BRIP1: variants seen among roughly 807,000 people sequenced by gnomAD.
BRIP1 encodes Fanconi anemia group J protein.
A neutral mutation model predicts 119.7 loss-of-function variants in BRIP1; 88 were observed. The observed-to-expected ratio is 0.74, with a 90% CI of 0.62 to 0.88. The LOEUF (loss-of-function observed/expected upper bound fraction) is 0.88. Among genes scored for constraint, BRIP1 ranks in the 40% least tolerant of loss-of-function variants. The probability of loss-of-function intolerance (pLI) is 0.00; values close to 1 mark genes in which losing one functional copy is unlikely to be tolerated. For synonymous variants in BRIP1, 443 were observed against 496.5 expected, an observed-to-expected ratio of 0.89 and a Z score of 1.43; for missense variants, 1,259 against 1,455.4, an observed-to-expected ratio of 0.87 and a Z score of 2.20.
chr17:61,835,475 A>ATAGGAGGAAGACAACAGAAAGT (rs1378224696), intron 6 of BRIP1, among the ~76,000 whole-genome samples: 57 of 152,154 alleles, frequency 3.7e-4, no homozygotes, highest in African/African-American at 1.4e-3. Flanking sequence ...GGAGAAAAGA[A>ATAGGAGGAAGACAACAGAAAGT]TAGGAGGAAG....
In BRIP1 at chr17:61,778,254, T is replaced by G. The variant is rs1227569313; in HGVS notation, c.1936-1692A>C. ...CACAAAAACGACAAATATTTTATGA[T>G]TCCACTTATATGAAGTATTTATAGT... On this transcript the variant is annotated intron_variant, in intron 13 of 19. Transcript: ENST00000259008. This position sits in a 1 kb window ranked among gnomAD's most constrained non-coding sequence, Gnocchi z 4.4. Among the ~76,000 whole-genome samples the G allele has an allele frequency of 6.6e-6, 1 of 152,198 alleles. No homozygotes were observed. Among genetic ancestry groups the G allele is most frequent in the African/African-American group, 2.4e-5 (1 of 41,446 alleles).
chr17:61,834,234 T>G lies in BRIP1; in HGVS notation c.627+12867A>C, dbSNP rs962851470. On this transcript the variant is annotated intron_variant, in intron 6 of 19. Transcript: ENST00000259008. The surrounding 1 kb of genome is among the most constrained non-coding windows in gnomAD (Gnocchi z 4.4). ...TATACTATAATCCTAATTTTGTGTG[T>G]GGGGAGGGAGTATATATGTAATATA... Among the ~76,000 whole-genome samples, 4 of 152,092 alleles carry G rather than the reference T, an allele frequency of 2.6e-5. No homozygotes were observed. The highest frequency in any genetic ancestry group is 9.7e-5 in the African/African-American group (4 of 41,412).
chr17:61,796,985 G>A lies in BRIP1; in HGVS notation c.1340+2115C>T, dbSNP rs1255407053. Among the ~76,000 whole-genome samples the A allele has an allele frequency of 6.6e-6, 1 of 151,992 alleles. No individual in the cohort carries two copies. Among genetic ancestry groups the A allele is most frequent in the East Asian group, 1.9e-4 (1 of 5,190 alleles). Reference sequence around the variant, plus strand: ...ACTGGTACATACTGTTTGCTTAGATGAGGAAGACTGGGGAGAAAACAGAAC... The same window carrying A: ...ACTGGTACATACTGTTTGCTTAGATAAGGAAGACTGGGGAGAAAACAGAAC... On this transcript the variant is annotated intron_variant, in intron 9 of 19. Coordinates refer to ENST00000259008, the MANE Select transcript of BRIP1 (RefSeq NM_032043.3). The surrounding 1 kb of genome is among the most constrained non-coding windows in gnomAD (Gnocchi z 4.8).
rs1295161534 is a variant in BRIP1 at position 61,806,752 on chromosome 17, C to A, written c.918+1715G>T. 6.6e-6 allele frequency among the ~76,000 whole-genome samples: 1 copy of A among 152,202 alleles called. No individual in the cohort carries two copies. Among genetic ancestry groups the A allele is most frequent in the Non-Finnish European group, 1.5e-5 (1 of 68,024 alleles). On this transcript the variant is annotated intron_variant, in intron 7 of 19. Transcript: ENST00000259008. The surrounding 1 kb of genome is among the most constrained non-coding windows in gnomAD (Gnocchi z 4.9). ...TTGCTCTGTTGCCCAGGCTGCAGTG[C>A]AGTGGCGCGATCTTGGCTCACTGCA... is the stretch of plus-strand genomic sequence containing the variant.
In BRIP1 at chr17:61,740,083, ACTC is replaced by A. The variant is rs1304338208; in HGVS notation, c.2379+2927_2379+2929del. ...GAGCTAAGTGGAATTCATTAGGTGA[ACTC>A]CATTATCCCAGTTCTCTGCTTGGGT... On this transcript the variant is annotated intron_variant, in intron 16 of 19. Coordinates refer to ENST00000259008, the MANE Select transcript of BRIP1 (RefSeq NM_032043.3). The surrounding 1 kb of genome is among the most constrained non-coding windows in gnomAD (Gnocchi z 5.4). 6.6e-6 allele frequency among the ~76,000 whole-genome samples: 1 copy of A among 151,952 alleles called. No homozygotes were observed. The highest frequency in any genetic ancestry group is 1.5e-5 in the Non-Finnish European group (1 of 67,994).
At chr17:61,791,971 G>T (rs932703680) in intron 10 of BRIP1, among the ~76,000 whole-genome samples, 1 of 152,154 alleles carries the variant, frequency 6.6e-6, no homozygotes, top group Non-Finnish European at 1.5e-5. Flanking sequence ...TAAAAAAGTT[G>T]TACTCGTAGA....
At chr17:61,737,690 C>T (rs2144630034) in intron 16 of BRIP1, among the ~76,000 whole-genome samples, 1 of 152,192 alleles carries the variant, frequency 6.6e-6, no homozygotes, top group East Asian at 1.9e-4. Flanking sequence ...GTATTGACTG[C>T]TATATTCTGG....
chr17:61,683,602 G>A lies in BRIP1; in HGVS notation c.3444C>T (p.Asp1148=), dbSNP rs28997573. ...DPEDTDEEKN[D]LAETDRGNRL... is the part of the protein sequence containing the mutation. ...TATTTCCTCTATCAGTTTCAGCTAG[G>A]TCATTTTTTTCTTCATCTGTATCTT... Residue 1148 remains aspartate, a synonymous_variant, in exon 20 of 20, where the codon GAC becomes GAT. Coordinates refer to ENST00000259008, the MANE Select transcript of BRIP1 (RefSeq NM_032043.3). This position sits in a 1 kb window ranked among gnomAD's most constrained non-coding sequence, Gnocchi z 4.7. The A allele has an allele frequency of 1.2e-6, 2 of 1,612,028 alleles. No individual in the cohort carries two copies. The highest frequency in any genetic ancestry group is 1.7e-6 in the Non-Finnish European group (2 of 1,179,812).
intron 9 of BRIP1, among the ~76,000 whole-genome samples, chr17:61,797,587 T>C (rs539834365): frequency 6.6e-6 from 1 of 152,104 alleles, no homozygotes; most frequent in South Asian, 2.1e-4. Flanking sequence ...CAACAAGTTA[T>C]GCTGTAAAAT....
chr17:61,686,153 C>T lies in BRIP1; in HGVS notation c.2588G>A (p.Trp863Ter). Residue 863 changes from tryptophan to a stop codon, truncating the protein, a stop_gained, in exon 19 of 20, where the codon TGG (tryptophan) becomes TAG (stop). Coordinates refer to ENST00000259008, the MANE Select transcript of BRIP1 (RefSeq NM_032043.3). LOFTEE classifies it high-confidence loss of function. This position sits in a 1 kb window ranked among gnomAD's most constrained non-coding sequence, Gnocchi z 5.4. ...ATGGTGCTGAATCTGCTGCCGTACC[C>T]ATTTAGAAAGTCCTAAAGAAAAAGG... ...PSRYISGLSK[W>*]VRQQIQHHST... 2 of 1,614,020 alleles carry T rather than the reference C, an allele frequency of 1.2e-6. No homozygotes were observed. The highest frequency in any genetic ancestry group is 1.7e-6 in the Non-Finnish European group (2 of 1,179,942).
At position 61,834,485 on chromosome 17, in the gene BRIP1, A is replaced by G. The variant is rs2078541803; in HGVS notation, c.627+12616T>C. 6.6e-6 allele frequency among the ~76,000 whole-genome samples: 1 copy of G among 152,150 alleles called. No homozygotes were observed. Among genetic ancestry groups the G allele is most frequent in the South Asian group, 2.1e-4 (1 of 4,826 alleles). On this transcript the variant is annotated intron_variant, in intron 6 of 19. Coordinates refer to ENST00000259008, the MANE Select transcript of BRIP1 (RefSeq NM_032043.3). The surrounding 1 kb of genome is among the most constrained non-coding windows in gnomAD (Gnocchi z 4.4). The stretch of plus-strand genomic sequence containing the variant: ...CTCAGTTGATACTGGGTATATATGT[A>G]ATATATACTACGTAACAAAAATGGC...
rs1312123176 is a variant in BRIP1 at position 61,742,687 on chromosome 17, A to G, written c.2379+326T>C. Among the ~76,000 whole-genome samples the G allele has an allele frequency of 6.6e-6, 1 of 152,202 alleles. No homozygotes were observed. Among genetic ancestry groups the G allele is most frequent in the Non-Finnish European group, 1.5e-5 (1 of 68,036 alleles). ...ACTTATGAATTACGTTTGCTCTCTT[A>G]TGTGGGTACAGTATGAGATGCCCCA... On this transcript the variant is annotated intron_variant, in intron 16 of 19. Coordinates refer to ENST00000259008, the MANE Select transcript of BRIP1 (RefSeq NM_032043.3). This position sits in a 1 kb window ranked among gnomAD's most constrained non-coding sequence, Gnocchi z 4.7.
Position 61,853,301 on chromosome 17 carries a change from G to T in BRIP1, c.379+3757C>A, listed in dbSNP as rs968757796. On this transcript the variant is annotated intron_variant, in intron 4 of 19. Transcript: ENST00000259008. The surrounding 1 kb of genome is among the most constrained non-coding windows in gnomAD (Gnocchi z 4.3). ...AGGCAAAACTCATCAATGGTCACAG[G>T]AGGACAAGAATTACCTATGGAAAGA... 7.2e-5 allele frequency among the ~76,000 whole-genome samples: 11 copies of T among 151,822 alleles called. No individual in the cohort carries two copies. Among genetic ancestry groups the T allele is most frequent in the Non-Finnish European group, 1.5e-4 (10 of 67,976 alleles).
chr17:61,680,267 G>C lies in BRIP1; in HGVS notation c.*3029C>G, dbSNP rs1438546160. On this transcript the variant is annotated 3_prime_UTR_variant, in exon 20 of 20. Transcript: ENST00000259008. Reference sequence around the variant, plus strand: ...CGCAGGAGGCTGAGACATGAGAATCGCTTTAACCTGCGAGGCAGAGGTTGC... The same window carrying C: ...CGCAGGAGGCTGAGACATGAGAATCCCTTTAACCTGCGAGGCAGAGGTTGC... Among the ~76,000 whole-genome samples the C allele has an allele frequency of 1.3e-5, 2 of 151,346 alleles. No individual in the cohort carries two copies. Among genetic ancestry groups the C allele is most frequent in the Non-Finnish European group, 1.5e-5 (1 of 67,894 alleles).
At position 61,783,579 on chromosome 17, in the gene BRIP1, A is replaced by C. The variant is rs140086356; in HGVS notation, c.1628+691T>G. Among the ~76,000 whole-genome samples the C allele has an allele frequency of 5.8e-3, 889 of 152,202 alleles. 5 individuals are homozygous for C. Among genetic ancestry groups the C allele is most frequent in the African/African-American group, 0.02 (851 of 41,536 alleles). On this transcript the variant is annotated intron_variant, in intron 11 of 19. Coordinates refer to ENST00000259008, the MANE Select transcript of BRIP1 (RefSeq NM_032043.3). The stretch of plus-strand genomic sequence containing the variant: ...TTTTATGTATATTTTACCACAATAA[A>C]AAAAAAATACCAGAACTAGGTACTA...
chr17:61,697,666 T>C (rs968200856), intron 17 of BRIP1, among the ~76,000 whole-genome samples: 21 of 152,114 alleles, frequency 1.4e-4, no homozygotes, highest in African/African-American at 4.3e-4. Context: ...CTCTATTTCA[T>C]TTATTTCCTT....
Position 61,720,660 on chromosome 17 carries a change from A to G in BRIP1, c.2380-4597T>C, listed in dbSNP as rs1005713204. On this transcript the variant is annotated intron_variant, in intron 16 of 19. Coordinates refer to ENST00000259008, the MANE Select transcript of BRIP1 (RefSeq NM_032043.3). This position sits in a 1 kb window ranked among gnomAD's most constrained non-coding sequence, Gnocchi z 4.3. ...AATCATCCCTTTGTCCAGTATATCC[A>G]TGCTGTACATACTACCCACCAGCAG... Among the ~76,000 whole-genome samples, 6 of 152,158 alleles carry G rather than the reference A, an allele frequency of 3.9e-5. No homozygotes were observed. The highest frequency in any genetic ancestry group is 1.4e-4 in the African/African-American group (6 of 41,438).
intron 14 of BRIP1, among the ~76,000 whole-genome samples, chr17:61,773,844 A>C (rs1287633580): frequency 1.3e-5 from 2 of 152,230 alleles, no homozygotes; most frequent in Admixed American, 1.3e-4. Context: ...AATGCTCATC[A>C]TCACTGGTCA....
rs1426321406 is a variant in BRIP1 at position 61,789,693 on chromosome 17, G to A, written c.1473+3904C>T. On this transcript the variant is annotated intron_variant, in intron 10 of 19. Transcript: ENST00000259008. This position sits in a 1 kb window ranked among gnomAD's most constrained non-coding sequence, Gnocchi z 4.8. Reference sequence around the variant, plus strand: ...AGTACACTCATAAAAATGCTACACCGCAATTAAAAATTATGTGAAGGAATC... The same window carrying A: ...AGTACACTCATAAAAATGCTACACCACAATTAAAAATTATGTGAAGGAATC... Among the ~76,000 whole-genome samples the A allele has an allele frequency of 2.6e-5, 4 of 151,902 alleles. No individual in the cohort carries two copies. The highest frequency in any genetic ancestry group is 4.8e-5 in the African/African-American group (2 of 41,360).
Sources: allele counts gnomAD v4.1 joint callset (sites outside exome capture counted in the v4.1 genomes callset), GRCh38; gene constraint gnomAD v4.1.1; non-coding constraint Gnocchi (gnomAD v3.1); transcripts MANE v1.5; gene names NCBI Gene and HGNC (gene_info 2026-07-23, HGNC 2026-07-21).